C12orf42: variants seen among roughly 807,000 people sequenced by gnomAD.
C12orf42 encodes uncharacterized protein C12orf42.
In C12orf42, 25 loss-of-function variants were observed where a neutral mutation model predicts 21.6. That is an observed-to-expected ratio of 1.16 (90% CI 0.84 to 1.62). The LOEUF is 1.62. Ranked by LOEUF, C12orf42 falls within the 40% of genes most tolerant of loss-of-function variation. The pLI is 0.00. For missense variants in C12orf42, 483 were observed against 459.3 expected (o/e 1.05, Z -0.47); for synonymous variants, 174 against 175.0 (o/e 0.99, Z 0.05).
the C12orf42 span, among the ~76,000 whole-genome samples, chr12:103,146,560 AAAAGAAAGAAAGAAAG>A: frequency 3.7e-4 from 44 of 120,052 alleles, no homozygotes; most frequent in South Asian, 8.9e-4. Context: ...ATAAAGAAAG[AAAAGAAAGAAAGAAAG>A]AAAGAAAGAA....
chr12:103,260,423 A>G (rs974394164), intron 10 of C12orf42, among the ~76,000 whole-genome samples: 15 of 152,210 alleles, frequency 9.9e-5, no homozygotes, highest in Admixed American at 9.2e-4. Flanking sequence ...GCAACAAGAT[A>G]CACCAAGCTT....
chr12:103,180,848 G>A, the C12orf42 span, among the ~76,000 whole-genome samples: 2 of 151,368 alleles, frequency 1.3e-5, no homozygotes, highest in East Asian at 3.9e-4. Flanking sequence ...GGCTGGTCTC[G>A]AACTCCTGAC....
At chr12:103,067,746 G>A in the C12orf42 span, among the ~76,000 whole-genome samples, 1 of 152,138 alleles carries the variant, frequency 6.6e-6, no homozygotes, top group Non-Finnish European at 1.5e-5. Flanking sequence ...ATACAACAAT[G>A]ATTCCATTAA....
At chr12:103,422,086 C>T (rs892216244) in intron 2 of C12orf42, among the ~76,000 whole-genome samples, 1 of 152,148 alleles carries the variant, frequency 6.6e-6, no homozygotes, top group Admixed American at 6.5e-5. Flanking sequence ...AGAGATGTTG[C>T]TCAGAAAAGC....
the C12orf42 span, among the ~76,000 whole-genome samples, chr12:103,168,971 G>A: frequency 1.3e-5 from 2 of 152,042 alleles, no homozygotes; most frequent in African/African-American, 4.8e-5. Flanking sequence ...GAGAACATAT[G>A]GGCACAGGGA....
the C12orf42 span, among the ~76,000 whole-genome samples, chr12:103,513,315 A>G: frequency 1.8e-4 from 27 of 152,320 alleles, 1 homozygote; most frequent in Non-Finnish European, 3.7e-4. Context: ...TTTTGCCATA[A>G]TATGGAAAGA....
chr12:103,382,083 T>C (rs998501052), intron 3 of C12orf42, among the ~76,000 whole-genome samples: 2 of 152,218 alleles, frequency 1.3e-5, no homozygotes, highest in African/African-American at 4.8e-5. Context: ...CCACTAAATA[T>C]ATACAATTGA....
chr12:103,228,322 T>TG, the C12orf42 span, among the ~76,000 whole-genome samples: 2,485 of 151,776 alleles, frequency 0.016, 24 homozygotes, highest in Non-Finnish European at 0.025. Flanking sequence ...AGGTGCTCAG[T>TG]GGGGGTGCTT....
At chr12:103,435,439 G>A (rs999009367) in intron 2 of C12orf42, among the ~76,000 whole-genome samples, 43 of 152,198 alleles carry the variant, frequency 2.8e-4, no homozygotes, top group Non-Finnish European at 5.6e-4. Flanking sequence ...GGCTTCAGAC[G>A]ATCAAATTAC....
At chr12:103,342,895 T>C (rs1172918655) in intron 4 of C12orf42, among the ~76,000 whole-genome samples, 1 of 152,092 alleles carries the variant, frequency 6.6e-6, no homozygotes, top group African/African-American at 2.4e-5. Context: ...CATGCAAGGG[T>C]GCTATTTCAG....
the C12orf42 span, among the ~76,000 whole-genome samples, chr12:103,162,463 C>T: frequency 6.6e-6 from 1 of 151,928 alleles, no homozygotes; most frequent in Admixed American, 6.6e-5. Flanking sequence ...AAAGCACCTT[C>T]AGTTACAACT....
the C12orf42 span, among the ~76,000 whole-genome samples, chr12:103,210,070 G>A: frequency 6.0e-5 from 9 of 148,850 alleles, no homozygotes. Context: ...TTTTTTAAGT[G>A]TCTTCTACTA....
At chr12:103,338,059 T>C (rs746552895) in intron 4 of C12orf42, among the ~76,000 whole-genome samples, 8 of 152,238 alleles carry the variant, frequency 5.3e-5, no homozygotes, top group Non-Finnish European at 1.2e-4. Context: ...TATCTTCTGC[T>C]TTCCCTTTAC....
chr12:103,146,076 G>T, the C12orf42 span, among the ~76,000 whole-genome samples: 3 of 151,900 alleles, frequency 2.0e-5, no homozygotes, highest in African/African-American at 7.3e-5. Context: ...GCTTTTACTT[G>T]TGTTTTCTGT....
chr12:103,425,304 A>T (rs1460949057), intron 2 of C12orf42, among the ~76,000 whole-genome samples: 1 of 152,208 alleles, frequency 6.6e-6, no homozygotes, highest in African/African-American at 2.4e-5. Flanking sequence ...TAAAGAGAGC[A>T]GCGGATCTCC....
intron 4 of C12orf42, among the ~76,000 whole-genome samples, chr12:103,296,608 G>A (rs1371615581): frequency 6.6e-6 from 1 of 152,076 alleles, no homozygotes; most frequent in East Asian, 1.9e-4. Context: ...TTCTCTGATG[G>A]CCAGTGATGA....
the C12orf42 span, among the ~76,000 whole-genome samples, chr12:103,142,203 C>G: frequency 6.6e-6 from 1 of 152,158 alleles, no homozygotes; most frequent in Non-Finnish European, 1.5e-5. Context: ...GTTGTTGTCT[C>G]TAGTGAACTA....
In C12orf42 at chr12:103,241,803, A is replaced by T. The variant is rs80194375; in HGVS notation, c.*1367-3901T>A. 6.9e-4 allele frequency among the ~76,000 whole-genome samples: 105 copies of T among 152,310 alleles called. 1 individual carries two copies. In the East Asian group the frequency reaches 0.019, roughly 28 times the overall value. ...TCTCCCCACCTCTTGGGCTTAAAAC[A>T]AACGGGATCAAAAGGAAGCCTGAAA... On this transcript the variant is annotated intron_variant and NMD_transcript_variant, in intron 10 of 10. Coordinates refer to the C12orf42 transcript ENST00000547347.
chr12:103,217,123 G>A, the C12orf42 span, among the ~76,000 whole-genome samples: 51 of 152,252 alleles, frequency 3.3e-4, no homozygotes, highest in South Asian at 2.5e-3. Flanking sequence ...GATTACAAGC[G>A]TGAGCTACCA....
Sources: gnomAD v4.1 joint callset for allele counts (sites outside exome capture counted in the v4.1 genomes callset) on GRCh38, gnomAD v4.1.1 for gene constraint, MANE v1.5 for transcripts, NCBI Gene and HGNC (gene_info 2026-07-23, HGNC 2026-07-21) for gene names.